The following NTRK3 variants were observed in gnomAD, a reference collection of about 807,000 sequenced individuals.
The protein encoded by NTRK3 is NT-3 growth factor receptor.
Under a neutral mutation model 91.7 loss-of-function variants are expected in NTRK3, and 24 were observed. That is an observed-to-expected ratio of 0.26 (90% CI 0.19 to 0.37). NTRK3 has a LOEUF of 0.37. NTRK3 is among the 10% of genes least tolerant of loss of function. NTRK3 has a pLI of 1.00. For missense variants in NTRK3, 880 were observed against 1,068.9 expected, an observed-to-expected ratio of 0.82 and a Z score of 2.46; for synonymous variants, 483 against 404.0, an observed-to-expected ratio of 1.20 and a Z score of -2.34.
At chr15:87,959,155 G>T (rs2071990772) in intron 14 of NTRK3, among the ~76,000 whole-genome samples, 1 of 152,106 alleles carries the variant, frequency 6.6e-6, no homozygotes, top group Non-Finnish European at 1.5e-5. Context: ...TTCTAGCCTA[G>T]CACACTGTTT....
intron 14 of NTRK3, among the ~76,000 whole-genome samples, chr15:87,954,866 CGTCT>C (rs938061576): frequency 5.3e-5 from 8 of 152,298 alleles, no homozygotes; most frequent in African/African-American, 1.4e-4. Flanking sequence ...ACAGCCACAG[CGTCT>C]GTCTTTTTTA....
intron 17 of NTRK3, among the ~76,000 whole-genome samples, chr15:87,882,359 A>G (rs2065300372): frequency 6.6e-6 from 1 of 152,230 alleles, no homozygotes; most frequent in Non-Finnish European, 1.5e-5. Context: ...CATATTCTAG[A>G]AAAACAGTAA....
intron 13 of NTRK3, among the ~76,000 whole-genome samples, chr15:88,117,837 T>C (rs981465762): frequency 6.6e-6 from 1 of 152,230 alleles, no homozygotes; most frequent in Admixed American, 6.5e-5. Flanking sequence ...GGAGTGTTAT[T>C]AACCCTTCTG....
Position 87,898,483 on chromosome 15 carries a change from G to A in NTRK3, c.2134-18055C>T, listed in dbSNP as rs143130751. ...AGCTAAAGTGAATTTTGAAGACAAG[G>A]GTGGGCTGGTTAGAATGTGCAGTTT... On this transcript the variant is annotated intron_variant, in intron 17 of 18. Transcript: ENST00000394480. Among the ~76,000 whole-genome samples, 427 of 152,206 alleles carry A rather than the reference G, an allele frequency of 2.8e-3. 3 individuals carry two copies. Among genetic ancestry groups the A allele is most frequent in the African/African-American group, 9.8e-3 (408 of 41,524 alleles).
At chr15:87,864,478 G>A (rs1302218192) in exon 19 of NTRK3, 1 of 229,644 alleles carries the variant, frequency 4.4e-6, no homozygotes, top group Non-Finnish European at 8.6e-6. Flanking sequence ...TTCCCCAAAT[G>A]ATATCTCTGA....
At chr15:87,973,902 G>A (rs533614650) in intron 14 of NTRK3, among the ~76,000 whole-genome samples, 1 of 152,210 alleles carries the variant, frequency 6.6e-6, no homozygotes, top group South Asian at 2.1e-4. Flanking sequence ...AGCAATGTGC[G>A]AGTCTAGCCA....
intron 14 of NTRK3, chr15:87,977,635 C>A (rs984450902): frequency 1.7e-5 from 4 of 232,106 alleles, no homozygotes; most frequent in South Asian, 1.8e-4. Context: ...AACAGCCTGA[C>A]ATGGAGCAAT....
At chr15:88,198,063 C>A (rs1378333141) in intron 3 of NTRK3, among the ~76,000 whole-genome samples, 1 of 152,128 alleles carries the variant, frequency 6.6e-6, no homozygotes, top group East Asian at 1.9e-4. Context: ...CTAGCACATT[C>A]CCTGAAATAT....
chr15:88,102,960 A>G (rs2050330602), intron 13 of NTRK3, among the ~76,000 whole-genome samples: 1 of 152,236 alleles, frequency 6.6e-6, no homozygotes, highest in South Asian at 2.1e-4. Context: ...TAGTAATACG[A>G]AAAACAGCCT....
intron 13 of NTRK3, among the ~76,000 whole-genome samples, chr15:88,108,177 G>C (rs2050915763): frequency 6.6e-6 from 1 of 152,220 alleles, no homozygotes; most frequent in African/African-American, 2.4e-5. Context: ...AGGATGAAAA[G>C]TGTGCCTTGC....
At chr15:87,952,860 C>T (rs2071275494) in intron 14 of NTRK3, among the ~76,000 whole-genome samples, 7 of 152,140 alleles carry the variant, frequency 4.6e-5, no homozygotes, top group Admixed American at 3.3e-4. Flanking sequence ...CTACCCCCGC[C>T]GCCCCCTCTA....
At chr15:88,130,324 G>C (rs1464066897) in intron 10 of NTRK3, among the ~76,000 whole-genome samples, 4 of 152,144 alleles carry the variant, frequency 2.6e-5, no homozygotes, top group Non-Finnish European at 5.9e-5. Flanking sequence ...TAGAAGGAAT[G>C]ATAAAAATAG....
chr15:88,082,540 T>A (rs2048148069), intron 13 of NTRK3, among the ~76,000 whole-genome samples: 1 of 152,178 alleles, frequency 6.6e-6, no homozygotes, highest in Admixed American at 6.5e-5. Context: ...AAACAACTGC[T>A]ATCTGACTTC....
chr15:87,989,251 C>T (rs1014005775), intron 14 of NTRK3, among the ~76,000 whole-genome samples: 6 of 152,160 alleles, frequency 3.9e-5, no homozygotes, highest in African/African-American at 9.7e-5. Context: ...TTGGAACCAA[C>T]CCAAATGTCC....
At chr15:88,065,839 T>C (rs2046603935) in intron 13 of NTRK3, among the ~76,000 whole-genome samples, 1 of 152,212 alleles carries the variant, frequency 6.6e-6, no homozygotes, top group Non-Finnish European at 1.5e-5. Flanking sequence ...CTGTTGAGTT[T>C]CTCCAGTATA....
At chr15:87,963,662 C>T (rs900320625) in intron 14 of NTRK3, among the ~76,000 whole-genome samples, 1 of 152,114 alleles carries the variant, frequency 6.6e-6, no homozygotes, top group Non-Finnish European at 1.5e-5. Flanking sequence ...CTAGTCTAAG[C>T]GATGATGGTT....
intron 14 of NTRK3, among the ~76,000 whole-genome samples, chr15:88,002,121 G>T (rs2076140135): frequency 6.7e-6 from 1 of 149,396 alleles, no homozygotes; most frequent in Admixed American, 6.7e-5. Context: ...GATAATGTTG[G>T]CCAGGTGTAT....
At chr15:88,148,331 CA>C (rs1330827319) in intron 5 of NTRK3, among the ~76,000 whole-genome samples, 1 of 152,114 alleles carries the variant, frequency 6.6e-6, no homozygotes, top group Admixed American at 6.6e-5. Flanking sequence ...GGGAGTTGAC[CA>C]TTGAGGGGGA....
intron 14 of NTRK3, among the ~76,000 whole-genome samples, chr15:87,966,499 A>G (rs529346957): frequency 2.6e-5 from 4 of 152,204 alleles, no homozygotes; most frequent in African/African-American, 9.6e-5. Context: ...TCTCGCGTAC[A>G]TATGTGTGCA....
Sources: allele counts gnomAD v4.1 joint callset (sites outside exome capture counted in the v4.1 genomes callset), GRCh38; gene constraint gnomAD v4.1.1; transcripts MANE v1.5; gene names NCBI Gene and HGNC (gene_info 2026-07-23, HGNC 2026-07-21).